The following APBB2 variants were observed in gnomAD, a reference collection of about 807,000 sequenced individuals.
The protein encoded by APBB2 is amyloid beta precursor protein binding family B member 2.
APBB2 carries 38 observed loss-of-function variants against 82.5 expected under a neutral mutation model. The observed-to-expected ratio is 0.46, with a 90% CI of 0.36 to 0.60. APBB2 has a LOEUF of 0.60. Ranked by LOEUF, APBB2 falls within the 20% of genes least tolerant of loss-of-function variation. APBB2 has a pLI of 0.00. For synonymous variants in APBB2, 341 were observed against 368.2 expected (o/e 0.93, Z 0.85); for missense variants, 772 against 972.3 (o/e 0.79, Z 2.74).
intron 5 of APBB2, among the ~76,000 whole-genome samples, chr4:41,033,029 G>C (rs371325542): frequency 1.2e-4 from 18 of 151,580 alleles, no homozygotes; most frequent in African/African-American, 4.4e-4. Flanking sequence ...GTGATCCGCC[G>C]GTCTCGGCCT....
In APBB2 at chr4:40,834,991, A is replaced by G. The variant is rs2154306100; in HGVS notation, c.1530-4414T>C. On this transcript the variant is annotated intron_variant, in intron 12 of 17. Coordinates refer to ENST00000508593, the MANE Select transcript of APBB2 (RefSeq NM_004307.2). ...TGATATTTTTTAAAATATTCAATTC[A>G]TTAAAGTCCGGGCGCGGTGGCTCAT... Among the ~76,000 whole-genome samples, 3 of 152,344 alleles carry G rather than the reference A, an allele frequency of 2.0e-5. No individual in the cohort carries two copies. The South Asian group carries it at 6.2e-4, about 32-fold the overall frequency.
At chr4:41,212,400 C>T (rs772035557) in intron 1 of APBB2, among the ~76,000 whole-genome samples, 1 of 152,100 alleles carries the variant, frequency 6.6e-6, no homozygotes, top group Non-Finnish European at 1.5e-5. Context: ...AGTGCAGTGG[C>T]GTGATCATAG....
intron 12 of APBB2, among the ~76,000 whole-genome samples, chr4:40,861,162 CA>C (rs1165922189): frequency 6.6e-6 from 1 of 151,930 alleles, no homozygotes; most frequent in East Asian, 1.9e-4. Context: ...ACCAGCCTGG[CA>C]AACATGGTGG....
chr4:41,001,032 T>A (rs933746929), intron 6 of APBB2, among the ~76,000 whole-genome samples: 5 of 151,502 alleles, frequency 3.3e-5, no homozygotes, highest in Admixed American at 2.0e-4. Flanking sequence ...TGGTCAGAGG[T>A]CCCCCACTGT....
At chr4:40,856,920 C>T (rs1360556427) in intron 12 of APBB2, 8 of 982,942 alleles carry the variant, frequency 8.1e-6, no homozygotes, top group Non-Finnish European at 8.5e-6. Context: ...CCGCAGGTCT[C>T]CCGCGCCCGC....
At chr4:40,841,802 C>T (rs1755905632) in intron 12 of APBB2, among the ~76,000 whole-genome samples, 1 of 152,118 alleles carries the variant, frequency 6.6e-6, no homozygotes, top group South Asian at 2.1e-4. Context: ...CCTAGGCCTC[C>T]CAAGTAGCTG....
rs555167632 is a variant in APBB2 at position 40,900,446 on chromosome 4, G to A, written c.1255-7035C>T. Among the ~76,000 whole-genome samples the A allele has an allele frequency of 8.4e-3, 1,160 of 138,390 alleles. 11 individuals are homozygous for A. The highest frequency in any genetic ancestry group is 0.012 in the Non-Finnish European group (774 of 65,892). 90.8% of individuals were successfully genotyped at this position (138,390 alleles called of 152,430 possible). ...GCACAAACATGGGTTGGGAGCTCAC[G>A]GAAGGAGGTTTTTTTTTTTTTTTTT... is the stretch of plus-strand genomic sequence containing the variant. On this transcript the variant is annotated intron_variant, in intron 10 of 17. Coordinates refer to ENST00000508593, the MANE Select transcript of APBB2 (RefSeq NM_004307.2).
intron 10 of APBB2, among the ~76,000 whole-genome samples, chr4:40,925,751 T>C (rs1782464062): frequency 6.6e-6 from 1 of 152,196 alleles, no homozygotes; most frequent in South Asian, 2.1e-4. Flanking sequence ...TGAGAAAAGG[T>C]ACTTCCCTAC....
intron 10 of APBB2, among the ~76,000 whole-genome samples, chr4:40,929,419 C>A (rs575320721): frequency 2.0e-5 from 3 of 152,260 alleles, no homozygotes; most frequent in African/African-American, 7.2e-5. Flanking sequence ...CCTGCCTCAG[C>A]CTCCCAAGTA....
intron 6 of APBB2, among the ~76,000 whole-genome samples, chr4:40,995,643 A>G (rs1391321913): frequency 1.3e-5 from 2 of 151,780 alleles, no homozygotes; most frequent in Non-Finnish European, 2.9e-5. Context: ...TCCTGAGTTA[A>G]ATCCTCCTAC....
chr4:40,999,233 G>C (rs2154418252), intron 6 of APBB2, among the ~76,000 whole-genome samples: 1 of 152,236 alleles, frequency 6.6e-6, no homozygotes, highest in Non-Finnish European at 1.5e-5. Context: ...TTGAGCTCAG[G>C]AGTTCGAAAC....
intron 2 of APBB2, among the ~76,000 whole-genome samples, chr4:41,114,896 C>T (rs1346652916): frequency 1.3e-5 from 2 of 152,164 alleles, no homozygotes; most frequent in African/African-American, 4.8e-5. Flanking sequence ...GGCCATACTG[C>T]CCAAAGTAAT....
At chr4:40,967,050 A>T (rs1010011357) in intron 6 of APBB2, among the ~76,000 whole-genome samples, 1 of 151,746 alleles carries the variant, frequency 6.6e-6, no homozygotes, top group Admixed American at 6.6e-5. Context: ...GCCCATAAAA[A>T]CCCCAGGTTC....
At position 40,825,526 on chromosome 4, in the gene APBB2, C is replaced by G. The variant is rs60443954; in HGVS notation, c.1816+361G>C. Among the ~76,000 whole-genome samples, 217 of 152,358 alleles carry G rather than the reference C, an allele frequency of 1.4e-3. 3 individuals carry two copies. In the East Asian group the frequency reaches 0.02, roughly 14 times the overall value. Reference sequence around the variant, plus strand: ...CTCCACAGTCCTTTCTCCTGGCCCGCCAGCTGACAAGACACGAAGCAGGTG... The same window carrying G: ...CTCCACAGTCCTTTCTCCTGGCCCGGCAGCTGACAAGACACGAAGCAGGTG... On this transcript the variant is annotated intron_variant, in intron 15 of 17. Coordinates refer to ENST00000508593, the MANE Select transcript of APBB2 (RefSeq NM_004307.2).
At chr4:40,955,911 G>C (rs1046353249) in intron 6 of APBB2, among the ~76,000 whole-genome samples, 1 of 152,072 alleles carries the variant, frequency 6.6e-6, no homozygotes, top group Non-Finnish European at 1.5e-5. Flanking sequence ...GAGTAGCTGG[G>C]ATTACAGGCG....
chr4:40,853,656 C>T (rs1288498136), intron 12 of APBB2, among the ~76,000 whole-genome samples: 2 of 151,806 alleles, frequency 1.3e-5, no homozygotes, highest in African/African-American at 4.8e-5. Flanking sequence ...AGGGTTTCAC[C>T]ATGTTGGTCA....
intron 4 of APBB2, among the ~76,000 whole-genome samples, chr4:41,064,878 G>C (rs1731172722): frequency 6.6e-6 from 1 of 152,170 alleles, no homozygotes; most frequent in African/African-American, 2.4e-5. Flanking sequence ...TGATTATAAA[G>C]GAATTCAAAC....
At chr4:41,211,778 G>A (rs887160909) in intron 1 of APBB2, among the ~76,000 whole-genome samples, 1 of 152,158 alleles carries the variant, frequency 6.6e-6, no homozygotes, top group Non-Finnish European at 1.5e-5. Flanking sequence ...CACCGTACCC[G>A]GCCAGGTATT....
intron 5 of APBB2, among the ~76,000 whole-genome samples, chr4:41,023,581 A>C (rs1439729450): frequency 1.3e-5 from 2 of 152,150 alleles, no homozygotes; most frequent in Non-Finnish European, 2.9e-5. Flanking sequence ...TCTCATTCAC[A>C]ATTGCCACAA....
Sources: gnomAD v4.1 joint callset for allele counts (sites outside exome capture counted in the v4.1 genomes callset) on GRCh38, gnomAD v4.1.1 for gene constraint, MANE v1.5 for transcripts, NCBI Gene and HGNC (gene_info 2026-07-23, HGNC 2026-07-21) for gene names.